VAV1: variants seen among roughly 807,000 people sequenced by gnomAD.
VAV1 encodes proto-oncogene vav.
A neutral mutation model predicts 128.1 loss-of-function variants in VAV1; 33 were observed. The ratio of observed to expected loss-of-function variants is 0.26; its 90% confidence interval spans 0.20 to 0.34. VAV1 has a LOEUF of 0.34. VAV1 is among the 10% of genes least tolerant of loss of function. The pLI is 1.00. For synonymous variants in VAV1, 394 were observed against 409.8 expected (o/e 0.96, Z 0.47); for missense variants, 715 against 1,093.7 (o/e 0.65, Z 4.88).
chr19:6,828,249 C>T lies in VAV1; in HGVS notation c.1023+78C>T. The T allele has an allele frequency of 6.4e-7, 1 of 1,571,386 alleles. No homozygotes were observed. The highest frequency in any genetic ancestry group is 1.1e-5 in the South Asian group (1 of 88,714). ...ATAAAAGTGGGGACGGGGCTGGCTT[C>T]TGGGGGTTGGGTCTCTAGGACGCTC... On this transcript the variant is annotated intron_variant, in intron 10 of 26. Transcript: ENST00000602142. This position sits in a 1 kb window ranked among gnomAD's most constrained non-coding sequence, Gnocchi z 4.5.
chr19:6,820,725 A>G lies in VAV1; in HGVS notation c.228A>G (p.Arg76=), dbSNP rs1249881399. 6.2e-7 allele frequency: 1 copy of G among 1,614,070 alleles called. No homozygotes were observed. The highest frequency in any genetic ancestry group is 1.3e-5 in the African/African-American group (1 of 74,930). Residue 76 remains arginine, a synonymous_variant, in exon 2 of 27, where the codon AGA becomes AGG. Transcript: ENST00000602142. This position sits in a 1 kb window ranked among gnomAD's most constrained non-coding sequence, Gnocchi z 4.4. ...AGTTCCTGTGCCTTAAGAACATTAGAACCTTCCTGTCCACCTGCTGTGAGA... is the reference window on the plus strand; with the variant it reads ...AGTTCCTGTGCCTTAAGAACATTAGGACCTTCCTGTCCACCTGCTGTGAGA... ...MSQFLCLKNI[R]TFLSTCCEKF... is the part of the protein sequence containing the mutation.
chr19:6,850,550 C>T (rs574011215), intron 23 of VAV1, 120 bp from the exon 24 acceptor site: 8 of 865,104 alleles, frequency 9.2e-6, no homozygotes, highest in Non-Finnish European at 1.5e-5. Flanking sequence ...GACAGCTTGT[C>T]TTTGGTTTCC....
At chr19:6,837,086 G>A in intron 21 of VAV1, 36 bp downstream of exon 21, 1 of 1,609,666 alleles carries the variant, frequency 6.2e-7, no homozygotes. Flanking sequence ...TAAGGGCAAG[G>A]GGTCCAGGGC....
At chr19:6,843,962 A>C (rs140632534) in intron 22 of VAV1, among the ~76,000 whole-genome samples, 4 of 151,002 alleles carry the variant, frequency 2.6e-5, no homozygotes, top group African/African-American at 9.7e-5. Context: ...CTGGCGCATC[A>C]GCTATTTAAT....
chr19:6,774,880 A>AGTCGC lies in VAV1; in HGVS notation c.204+1869_204+1870insGTCGC, dbSNP rs1310167105. On this transcript the variant is annotated intron_variant, in intron 1 of 26. Coordinates refer to ENST00000602142, the MANE Select transcript of VAV1 (RefSeq NM_005428.4). ...AGTGGTTCTCCTGTCCCAGCCTCCC[A>AGTCGC]AGTAGCTGCGACTACAGGCACACAT... Among the ~76,000 whole-genome samples, 79 of 150,930 alleles carry AGTCGC rather than the reference A, an allele frequency of 5.2e-4. 2 individuals carry two copies. The East Asian group carries it at 0.014, about 27-fold the overall frequency.
At chr19:6,781,821 C>T (rs1417600522) in intron 1 of VAV1, among the ~76,000 whole-genome samples, 3 of 151,846 alleles carry the variant, frequency 2.0e-5, no homozygotes, top group Admixed American at 6.6e-5. Flanking sequence ...TTGGCCTGGC[C>T]GGTCTCAAAC....
At chr19:6,832,070 C>A in intron 14 of VAV1, 21 bp from the exon 15 acceptor site, 1 of 1,612,452 alleles carries the variant, frequency 6.2e-7, no homozygotes, top group South Asian at 1.1e-5. Context: ...TGCCTTCAGT[C>A]TGAGCTCTGC....
intron 1 of VAV1, among the ~76,000 whole-genome samples, chr19:6,804,990 C>CT (rs1279030998): frequency 1.3e-5 from 2 of 151,856 alleles, no homozygotes; most frequent in Non-Finnish European, 2.9e-5. Context: ...CTCAGCCTCC[C>CT]TAAGTGCTGG....
intron 1 of VAV1, among the ~76,000 whole-genome samples, chr19:6,805,583 TACACACACACAC>T (rs55732746): frequency 4.3e-5 from 6 of 139,096 alleles, no homozygotes; most frequent in Admixed American, 3.7e-4. Context: ...TTTCTACAGA[TACACACACACAC>T]ACACACACAC....
Position 6,852,723 on chromosome 19 carries a change from AG to A in VAV1, c.2218-241del, listed in dbSNP as rs199795639. Among the ~76,000 whole-genome samples the A allele has an allele frequency of 1.6e-3, 233 of 144,954 alleles. 5 individuals carry two copies. Among genetic ancestry groups the A allele is most frequent in the African/African-American group, 5.9e-3 (209 of 35,338 alleles). ...GCGACAGAGCCAGACTCCGTCTCAA[AG>A]AAAAAAAAAAAAGAAAGAAAGAACC... On this transcript the variant is annotated intron_variant, in intron 24 of 26. Transcript: ENST00000602142.
rs1037919708 is a variant in VAV1, at chr19:6,779,043, A to AT, written c.204+6039dup. On this transcript the variant is annotated intron_variant, in intron 1 of 26. Transcript: ENST00000602142. ...AGGTGTGCACCGGCATACCTGGGTG[A>AT]TTTTTTTGTTTGTCTGTCTGTTTTC... 1.3e-4 allele frequency among the ~76,000 whole-genome samples: 17 copies of AT among 131,912 alleles called. 1 individual carries two copies. Among genetic ancestry groups the AT allele is most frequent in the East Asian group, 4.0e-4 (2 of 5,062 alleles). The allele number at this position is 131,912 out of a possible 152,430, so 86.5% of individuals were successfully genotyped here. A position where few individuals can be genotyped will look rare whatever the true frequency, so the allele number is the denominator to read the frequency against.
At chr19:6,811,862 A>G (rs915576947) in intron 1 of VAV1, among the ~76,000 whole-genome samples, 1 of 152,198 alleles carries the variant, frequency 6.6e-6, no homozygotes, top group African/African-American at 2.4e-5. Flanking sequence ...AAAACAGTAC[A>G]ATGCATGTGC....
In VAV1 at chr19:6,773,770, T is replaced by C. The variant is rs116790757; in HGVS notation, c.204+759T>C. On this transcript the variant is annotated intron_variant, in intron 1 of 26. Transcript: ENST00000602142. ...GACTGGCTCAGGAAATATATTCAAA[T>C]CCCTATTTGAATGTGGTTGGGTGGG... Among the ~76,000 whole-genome samples the C allele has an allele frequency of 3.7e-3, 569 of 152,158 alleles. 6 individuals carry two copies. The highest frequency in any genetic ancestry group is 0.013 in the African/African-American group (540 of 41,526).
At position 6,800,870 on chromosome 19, in the gene VAV1, G is replaced by A. The variant is rs111642033; in HGVS notation, c.205-19832G>A. 8.7e-3 allele frequency among the ~76,000 whole-genome samples: 1,294 copies of A among 148,824 alleles called. 21 individuals are homozygous for A. Among genetic ancestry groups the A allele is most frequent in the East Asian group, 0.059 (291 of 4,920 alleles). On this transcript the variant is annotated intron_variant, in intron 1 of 26. Coordinates refer to ENST00000602142, the MANE Select transcript of VAV1 (RefSeq NM_005428.4). ...TTGAACCCCTGACCTCAAGTGATCC[G>A]CCCGCCTCAGCCTCCCAAAGTGCTG...
intron 9 of VAV1, among the ~76,000 whole-genome samples, chr19:6,827,847 G>A (rs974390113): frequency 2.7e-5 from 4 of 150,782 alleles, no homozygotes; most frequent in Admixed American, 6.6e-5. Context: ...TGATCCTCCC[G>A]CCTCGGCCTC....
chr19:6,853,138 C>T, intron 25 of VAV1, 59 bp downstream of exon 25: 1 of 1,520,674 alleles, frequency 6.6e-7, no homozygotes, highest in African/African-American at 1.4e-5. Flanking sequence ...TGGAGGGAAA[C>T]TTTGGGGATG....
intron 21 of VAV1, among the ~76,000 whole-genome samples, chr19:6,838,887 C>G (rs2144805239): frequency 7.4e-6 from 1 of 135,492 alleles, no homozygotes; most frequent in South Asian, 2.1e-4. Flanking sequence ...AGCCATTATG[C>G]TCAGCTTTAT....
chr19:6,790,396 G>A (rs983513945), intron 1 of VAV1, among the ~76,000 whole-genome samples: 5 of 152,104 alleles, frequency 3.3e-5, no homozygotes, highest in Non-Finnish European at 1.5e-5. Flanking sequence ...ACCACGGATC[G>A]GATGTCTTAG....
At chr19:6,799,010 G>A (rs2144727334) in intron 1 of VAV1, among the ~76,000 whole-genome samples, 1 of 150,974 alleles carries the variant, frequency 6.6e-6, no homozygotes, top group East Asian at 2.0e-4. Context: ...TTATGTAAGT[G>A]GAATGGTACC....
Sources: allele counts gnomAD v4.1 joint callset (sites outside exome capture counted in the v4.1 genomes callset), GRCh38; gene constraint gnomAD v4.1.1; non-coding constraint Gnocchi (gnomAD v3.1); transcripts MANE v1.5; gene names NCBI Gene and HGNC (gene_info 2026-07-23, HGNC 2026-07-21).